CPT1C: variants seen among roughly 807,000 people sequenced by gnomAD.
CPT1C encodes the protein carnitine palmitoyltransferase 1C.
Under a neutral mutation model 97.3 loss-of-function variants are expected in CPT1C, and 61 were observed. That is an observed-to-expected ratio of 0.63 (90% CI 0.51 to 0.78). The LOEUF is 0.78. Among genes scored for constraint, CPT1C ranks in the 30% least tolerant of loss-of-function variants. CPT1C has a pLI of 0.00. For missense variants in CPT1C, 975 were observed against 1,065.5 expected, an observed-to-expected ratio of 0.92 and a Z score of 1.18; for synonymous variants, 469 against 447.2, an observed-to-expected ratio of 1.05 and a Z score of -0.61.
chr19:49,704,852 T>C, intron 8 of CPT1C, 65 bp downstream of exon 8: 1 of 1,509,806 alleles, frequency 6.6e-7, no homozygotes, highest in Non-Finnish European at 9.2e-7. Context: ...CTGGGCGGAA[T>C]GTGACGGTCA....
intron 7 of CPT1C, among the ~76,000 whole-genome samples, chr19:49,704,062 C>T (rs868482096): frequency 6.6e-5 from 10 of 152,314 alleles, no homozygotes; most frequent in Middle Eastern, 3.4e-3. Context: ...TTGTGTTTTT[C>T]ATTGTTTGAA....
At chr19:49,710,221 C>A in intron 14 of CPT1C, 99 bp from the exon 15 acceptor site, 1 of 1,210,716 alleles carries the variant, frequency 8.3e-7, no homozygotes, top group Non-Finnish European at 1.2e-6. Flanking sequence ...CTGCCGCAAC[C>A]TTAACTCCAC....
intron 8 of CPT1C, 46 bp from the exon 9 acceptor site, chr19:49,704,961 C>A: frequency 1.3e-6 from 2 of 1,523,232 alleles, no homozygotes; most frequent in South Asian, 1.2e-5. Flanking sequence ...CCATCGGGGG[C>A]AAACCTGACC....
Position 49,708,790 on chromosome 19 carries a change from A to G in CPT1C, c.1517A>G (p.Asp506Gly). ...STDGHCKGHP[D>G]PTLPQPQRLQ... Reference sequence around the variant, plus strand: ...GACGGCCACTGCAAGGGGCACCCGGACCCCACACTACCCCAGCCCCAGCGG... The same window carrying G: ...GACGGCCACTGCAAGGGGCACCCGGGCCCCACACTACCCCAGCCCCAGCGG... The change falls in exon 14 of 20, where the codon GAC becomes GGC. Residue 506 changes from aspartate to glycine, a missense_variant. By Grantham distance (94) the Asp-to-Gly change is moderately conservative (BLOSUM62 -1). Transcript: ENST00000598293. The G allele has an allele frequency of 6.2e-7, 1 of 1,613,746 alleles. No individual in the cohort carries two copies. The highest frequency in any genetic ancestry group is 8.5e-7 in the Non-Finnish European group (1 of 1,179,922).
chr19:49,702,471 A>G (rs1330998120), intron 7 of CPT1C, among the ~76,000 whole-genome samples: 1 of 151,526 alleles, frequency 6.6e-6, no homozygotes. Flanking sequence ...TACAAAAATT[A>G]AACAGGTCTG....
At position 49,712,813 on chromosome 19, in the gene CPT1C, C is replaced by T. The variant is rs780523693; in HGVS notation, c.2097C>T (p.Tyr699=). ...QQMHLFDVHN[Y]PDYVSSGGGF... ...TGCATCTGTTTGACGTCCACAATTA[C>T]CCGGACTATGTTTCCTCAGGCGGTG... Residue 699 remains tyrosine (Y), a synonymous_variant, in exon 18 of 20, where the codon TAC becomes TAT. Transcript: ENST00000598293. 6.2e-7 allele frequency: 1 copy of T among 1,613,870 alleles called. No individual in the cohort carries two copies.
intron 3 of CPT1C, among the ~76,000 whole-genome samples, chr19:49,695,817 G>A (rs1044107336): frequency 6.6e-6 from 1 of 151,786 alleles, no homozygotes; most frequent in African/African-American, 2.4e-5. Context: ...TCTTGACCTC[G>A]TGATCCGCCC....
chr19:49,711,941 C>A lies in CPT1C; in HGVS notation c.1999C>A (p.Gln667Lys). 6.2e-7 allele frequency: 1 copy of A among 1,614,058 alleles called. No homozygotes were observed. Among genetic ancestry groups the A allele is most frequent in the Non-Finnish European group, 8.5e-7 (1 of 1,179,936 alleles). The change falls in exon 17 of 20, where the codon CAG becomes AAG. Residue 667 changes from glutamine (Q) to lysine (K), a missense_variant. Around this residue, in one of 3 missense-constraint regions of CPT1C, gnomAD observed 344 missense variants for 395.7 expected, o/e 0.87. Transcript: ENST00000598293. The stretch of plus-strand genomic sequence containing the variant: ...CATCGTGTCCCGATTCCTCCACCTG[C>A]AGTCGCCCTTCCTGACCCAGGTTGG... ...LYIVSRFLHL[Q>K]SPFLTQVHSE...
chr19:49,696,229 A>G (rs2082660326), intron 3 of CPT1C, among the ~76,000 whole-genome samples: 1 of 152,054 alleles, frequency 6.6e-6, no homozygotes, highest in Non-Finnish European at 1.5e-5. Context: ...CTTATTTCAC[A>G]TGGTTTGGGG....
At chr19:49,701,729 A>C in intron 7 of CPT1C, 95 bp downstream of exon 7, 1 of 1,396,134 alleles carries the variant, frequency 7.2e-7, no homozygotes, top group Non-Finnish European at 9.5e-7. Context: ...GCCCCACGAC[A>C]CGCCCACAAC....
intron 7 of CPT1C, among the ~76,000 whole-genome samples, chr19:49,702,206 A>T (rs1281176776): frequency 1.5e-5 from 2 of 133,352 alleles, no homozygotes; most frequent in African/African-American, 2.9e-5. Context: ...ATATTTATTT[A>T]TATATATATG....
At chr19:49,695,278 A>ATTTTT (rs947374904) in intron 3 of CPT1C, among the ~76,000 whole-genome samples, 2 of 127,552 alleles carry the variant, frequency 1.6e-5, no homozygotes, top group Non-Finnish European at 3.2e-5. Flanking sequence ...AAAATGCACA[A>ATTTTT]TTTTTTTTTT....
chr19:49,711,824 G>T lies in CPT1C; in HGVS notation c.1882G>T (p.Ala628Ser). Residue 628 changes from alanine to serine, a missense_variant, in exon 17 of 20, where the codon GCC becomes TCC. Transcript: ENST00000598293. ...GGGACTGCAGGACCCACAGTGCCTC[G>T]CCCTGTTCCGCGTGGCAGTGGACAA... ...DKEKTDPQCL[A>S]LFRVAVDKHQ... is the part of the protein sequence containing the mutation. 2 of 1,612,786 alleles carry T rather than the reference G, an allele frequency of 1.2e-6. No individual in the cohort carries two copies. The highest frequency in any genetic ancestry group is 3.3e-5 in the Admixed American group (2 of 59,990).
rs1345591106 is a variant in CPT1C, at chr19:49,701,369, G to C, written c.506G>C (p.Arg169Pro). 2 of 1,613,296 alleles carry C rather than the reference G, an allele frequency of 1.2e-6. No homozygotes were observed. The change falls in exon 6 of 20, where the codon CGC becomes CCC. Residue 169 changes from arginine to proline, a missense_variant. Coordinates refer to ENST00000598293, the MANE Select transcript of CPT1C (RefSeq NM_001199753.2). Reference sequence around the variant, plus strand: ...CACCCGATGCTGTTCAGTTACCAGCGCTCCCTGCCACGCCAGCCCGTGCCC... The same window carrying C: ...CACCCGATGCTGTTCAGTTACCAGCCCTCCCTGCCACGCCAGCCCGTGCCC... Reference protein sequence around the residue: ...GRHPMLFSYQRSLPRQPVPSV... With the variant: ...GRHPMLFSYQPSLPRQPVPSV...
intron 3 of CPT1C, among the ~76,000 whole-genome samples, chr19:49,693,069 G>A (rs1432819044): frequency 6.6e-6 from 1 of 152,146 alleles, no homozygotes; most frequent in Non-Finnish European, 1.5e-5. Context: ...TGTATTTTTA[G>A]TAGAGACGGG....
chr19:49,699,457 TAAAAAAAAAAAAAAAAA>T (rs71180647), intron 4 of CPT1C, among the ~76,000 whole-genome samples: 10 of 35,294 alleles, frequency 2.8e-4, no homozygotes, highest in Admixed American at 1.5e-3. Flanking sequence ...CCCCTGTCTC[TAAAAAAAAAAAAAAAAA>T]AAAAAAAAAA....
intron 14 of CPT1C, 42 bp from the exon 15 acceptor site, chr19:49,710,278 A>G (rs758488911): frequency 1.1e-5 from 17 of 1,600,622 alleles, no homozygotes; most frequent in South Asian, 8.8e-5. Context: ...CCCTACCCCC[A>G]TCTGTAACCC....
At chr19:49,703,574 TC>T (rs2083321350) in intron 7 of CPT1C, among the ~76,000 whole-genome samples, 1 of 43,716 alleles carries the variant, frequency 2.3e-5, no homozygotes, top group African/African-American at 1.0e-4. Flanking sequence ...CCTCCCTCCC[TC>T]CCTCCCTCCC....
chr19:49,707,751 C>G (rs1434189299), intron 13 of CPT1C, 128 bp downstream of exon 13: 1 of 579,230 alleles, frequency 1.7e-6, no homozygotes, highest in Non-Finnish European at 2.9e-6. Flanking sequence ...GCCTGTAATC[C>G]CAGCATTTTG....
Sources: gnomAD v4.1 joint callset for allele counts (sites outside exome capture counted in the v4.1 genomes callset) on GRCh38, gnomAD v4.1.1 for gene constraint, gnomAD v4.1.1 regional missense constraint, MANE v1.5 for transcripts, NCBI Gene and HGNC (gene_info 2026-07-23, HGNC 2026-07-21) for gene names.